The following MAST3 variants were observed in gnomAD, a reference collection of about 807,000 sequenced individuals.
MAST3 encodes the protein microtubule-associated serine/threonine-protein kinase 3.
Under a neutral mutation model 127.0 loss-of-function variants are expected in MAST3, and 43 were observed. The observed-to-expected ratio is 0.34, with a 90% confidence interval of 0.27 to 0.44. The LOEUF (loss-of-function observed/expected upper bound fraction) is 0.44, where lower values mean the gene tolerates loss of function less well. Among genes scored for constraint, MAST3 ranks in the 20% least tolerant of loss-of-function variants. The pLI is 1.00. For synonymous variants in MAST3, 785 were observed against 809.2 expected, an observed-to-expected ratio of 0.97 and a Z score of 0.51; for missense variants, 1,390 against 1,919.1, an observed-to-expected ratio of 0.72 and a Z score of 5.15.
At chr19:18,132,088 G>T (rs375864889) in intron 15 of MAST3, 41 bp downstream of exon 15, 1 of 1,608,756 alleles carries the variant, frequency 6.2e-7, no homozygotes, top group Non-Finnish European at 8.5e-7. Context: ...CGGAGGGCGG[G>T]GCCAGAGAGG....
Position 18,144,513 on chromosome 19 carries a change from G to A in MAST3, c.2632G>A (p.Gly878Ser), listed in dbSNP as rs933845206. ...CGCCCGCCTACGGAGCAATAGCATC[G>A]GCGCCCGACACTCCACACCAAGGCC... ...SHARLRSNSI[G>S]ARHSTPRPLD... The change falls in exon 23 of 28, where the codon GGC becomes AGC. Residue 878 changes from glycine to serine, a missense_variant. By Grantham distance (56) the Gly-to-Ser change is moderately conservative (BLOSUM62 0). Transcript: ENST00000687212. The surrounding 1 kb of genome is among the most constrained non-coding windows in gnomAD (Gnocchi z 4.0). The A allele has an allele frequency of 5.6e-6, 9 of 1,606,614 alleles. No homozygotes were observed. Among genetic ancestry groups the A allele is most frequent in the Admixed American group, 1.7e-5 (1 of 59,080 alleles).
At chr19:18,100,083 C>T (rs912598998) in intron 1 of MAST3, among the ~76,000 whole-genome samples, 2 of 149,486 alleles carry the variant, frequency 1.3e-5, no homozygotes, top group African/African-American at 4.9e-5. Context: ...ACTGTAGTCC[C>T]AGCTACTCAA....
At chr19:18,126,073 G>T (rs1034612845) in intron 11 of MAST3, among the ~76,000 whole-genome samples, 3 of 151,528 alleles carry the variant, frequency 2.0e-5, no homozygotes, top group Non-Finnish European at 4.4e-5. Context: ...AAAAAAAGAT[G>T]TAGCTGGGTG....
intron 1 of MAST3, chr19:18,099,006 G>C: frequency 3.1e-6 from 1 of 326,604 alleles, no homozygotes; most frequent in Non-Finnish European, 6.2e-6. Context: ...CATTGCAGCG[G>C]GGGGCGGTAT....
chr19:18,132,655 T>G (rs1214211756), intron 15 of MAST3, among the ~76,000 whole-genome samples: 1 of 152,212 alleles, frequency 6.6e-6, no homozygotes, highest in Admixed American at 6.5e-5. Context: ...CCACCTGCTT[T>G]GAAACCCCTG....
rs548081111 is a variant in MAST3, at chr19:18,145,064, G to C, written c.2874G>C (p.Pro958=). ...CCCCGCGCTCTCTGTCCTCGAACCCGTCGTCCCGTGACTCTTCGCCGAGCC... is the reference window on the plus strand; with the variant it reads ...CCCCGCGCTCTCTGTCCTCGAACCCCTCGTCCCGTGACTCTTCGCCGAGCC... ...PLSPRSLSSN[P]SSRDSSPSRD... The change falls in exon 24 of 28, where the codon CCG becomes CCC. Residue 958 remains proline, a synonymous_variant. Coordinates refer to ENST00000687212, the MANE Select transcript of MAST3 (RefSeq NM_001393504.1). The surrounding 1 kb of genome is among the most constrained non-coding windows in gnomAD (Gnocchi z 5.9). The C allele has an allele frequency of 6.2e-6, 10 of 1,611,542 alleles. No homozygotes were observed. In the South Asian group the frequency reaches 1.1e-4, roughly 18 times the overall value.
intron 19 of MAST3, 136 bp from the exon 20 acceptor site, chr19:18,138,879 C>T (rs1258993950): frequency 4.6e-6 from 3 of 649,594 alleles, no homozygotes; most frequent in South Asian, 1.7e-5. Context: ...TCCTTAAACA[C>T]ACCAGGCACT....
rs1279073040 is a variant in MAST3, at chr19:18,128,403, T to C, written c.1082T>C (p.Met361Thr). The C allele has an allele frequency of 1.9e-6, 3 of 1,551,068 alleles. No individual in the cohort carries two copies. The highest frequency in any genetic ancestry group is 2.4e-5 in the South Asian group (2 of 84,170). ...AGCCTCCTCCCTCATCTTGCAGAGATGGTGCCACTGAGTCACCTCGAAGAA... is the reference window on the plus strand; with the variant it reads ...AGCCTCCTCCCTCATCTTGCAGAGACGGTGCCACTGAGTCACCTCGAAGAA... Reference protein sequence around the residue: ...LGLAKDPLEEMVPLSHLEEEQ... With the variant: ...LGLAKDPLEETVPLSHLEEEQ... The change falls in exon 12 of 28, where the codon ATG becomes ACG. Residue 361 changes from methionine (M) to threonine (T), a missense_variant. Coordinates refer to ENST00000687212, the MANE Select transcript of MAST3 (RefSeq NM_001393504.1).
intron 5 of MAST3, among the ~76,000 whole-genome samples, chr19:18,122,456 A>G (rs1407687876): frequency 7.7e-6 from 1 of 129,432 alleles, no homozygotes; most frequent in East Asian, 2.6e-4. Context: ...CAGGGGACAC[A>G]GTGGCAGCTG....
Position 18,147,617 on chromosome 19 carries a change from C to A in MAST3, c.3501C>A (p.Val1167=). ...CCTGCCGAAGCCCAGCCCCTGATGT[C>A]CCAGCAGGTGGGTGCACCCCGACCC... is the stretch of plus-strand genomic sequence containing the variant. ...TTPCRSPAPD[V]PADTTASPPS... The change falls in exon 27 of 28, where the codon GTC becomes GTA. Residue 1167 remains valine (V), a synonymous_variant. Coordinates refer to ENST00000687212, the MANE Select transcript of MAST3 (RefSeq NM_001393504.1). The A allele has an allele frequency of 1.3e-6, 2 of 1,548,616 alleles. No individual in the cohort carries two copies.
chr19:18,121,982 G>T (rs2147175913), intron 5 of MAST3, 60 bp downstream of exon 5: 1 of 1,590,620 alleles, frequency 6.3e-7, no homozygotes, highest in Non-Finnish European at 8.6e-7. Flanking sequence ...TTGGGCAGGG[G>T]CACGTGCTCG....
At chr19:18,122,881 C>T (rs991604070) in intron 6 of MAST3, 130 bp downstream of exon 6, 33 of 1,016,090 alleles carry the variant, frequency 3.2e-5, no homozygotes, top group Admixed American at 2.6e-4. Flanking sequence ...TTCCTCCATG[C>T]ACGCCCCATT....
rs774959544 is a variant in MAST3, at chr19:18,139,025, A to T, written c.2106A>T (p.Glu702Asp). The part of the protein sequence containing the change: ...DDTSYFDTRS[E>D]RYRHLGSEDD... The stretch of plus-strand genomic sequence containing the variant: ...CTCTCCCTCCCACAGCACGTTCGGA[A>T]CGTTACCGCCATCTGGGCTCCGAGG... The change falls in exon 20 of 28, where the codon GAA (glutamate) becomes GAT (aspartate). Residue 702 changes from glutamate to aspartate, a missense_variant. This residue lies in a region of MAST3 where 191 missense variants were observed against 409.0 expected (regional missense o/e 0.47). Transcript: ENST00000687212. The T allele has an allele frequency of 2.5e-6, 4 of 1,591,730 alleles. No individual in the cohort carries two copies. Among genetic ancestry groups the T allele is most frequent in the South Asian group, 1.1e-5 (1 of 87,334 alleles).
chr19:18,110,487 C>G lies in MAST3; in HGVS notation c.72-165C>G, dbSNP rs1272647798. Reference sequence around the variant, plus strand: ...CACCGCCGCCTCCGGGGAGCCCTCCCGGGCCATCGGTCTGGCCCCGCCCTC... The same window carrying G: ...CACCGCCGCCTCCGGGGAGCCCTCCGGGGCCATCGGTCTGGCCCCGCCCTC... On this transcript the variant is annotated intron_variant, in intron 2 of 27. Transcript: ENST00000687212. This position sits in a 1 kb window ranked among gnomAD's most constrained non-coding sequence, Gnocchi z 4.3. 2.1e-6 allele frequency: 2 copies of G among 932,128 alleles called. No individual in the cohort carries two copies. The highest frequency in any genetic ancestry group is 2.3e-4 in the East Asian group (2 of 8,598). 57.7% of individuals were successfully genotyped at this position (932,128 alleles called of 1,614,324 possible). A position where few individuals can be genotyped will look rare whatever the true frequency, so the allele number is the denominator to read the frequency against.
At chr19:18,131,829 T>C in intron 14 of MAST3, 80 bp from the exon 15 acceptor site, 4 of 1,467,388 alleles carry the variant, frequency 2.7e-6, no homozygotes, top group Non-Finnish European at 3.7e-6. Flanking sequence ...GGAGGATGCA[T>C]AGGCATTGGG....
intron 19 of MAST3, among the ~76,000 whole-genome samples, 187 bp from the exon 20 acceptor site, chr19:18,138,828 T>A (rs1411247991): frequency 6.6e-6 from 1 of 152,148 alleles, no homozygotes; most frequent in Non-Finnish European, 1.5e-5. Context: ...CAGCTGGTGT[T>A]GATCCCCAGA....
chr19:18,132,137 T>A (rs2041374473), intron 15 of MAST3, 90 bp downstream of exon 15: 3 of 1,543,866 alleles, frequency 1.9e-6, no homozygotes, highest in African/African-American at 1.4e-5. Context: ...GCAGAGCCTC[T>A]GAGGTGCATC....
At position 18,130,703 on chromosome 19, in the gene MAST3, G is replaced by T. The variant is rs764289408; in HGVS notation, c.1432+1G>T. The T allele has an allele frequency of 5.0e-6, 8 of 1,612,834 alleles. No homozygotes were observed. The highest frequency in any genetic ancestry group is 2.2e-5 in the East Asian group (1 of 44,858). ...TGTATGGTCATGGAATACGTGGAAG[G>T]TACGCTCACTGGGGCTTGCATGCCT... On this transcript the variant is annotated splice_donor_variant, in intron 14 of 27. Coordinates refer to ENST00000687212, the MANE Select transcript of MAST3 (RefSeq NM_001393504.1). LOFTEE classifies it high-confidence loss of function.
intron 12 of MAST3, 61 bp downstream of exon 12, chr19:18,128,519 C>G: frequency 6.7e-7 from 1 of 1,495,178 alleles, no homozygotes; most frequent in South Asian, 1.2e-5. Context: ...GGACCAGGCA[C>G]CCGCAGAAAG....
Sources: allele counts gnomAD v4.1 joint callset (sites outside exome capture counted in the v4.1 genomes callset), GRCh38; gene constraint gnomAD v4.1.1; regional missense constraint gnomAD v4.1.1; non-coding constraint Gnocchi (gnomAD v3.1); transcripts MANE v1.5; gene names NCBI Gene and HGNC (gene_info 2026-07-23, HGNC 2026-07-21).